The following PMS1 variants were observed in gnomAD, a reference collection of about 807,000 sequenced individuals.
PMS1 encodes PMS1 homolog 1, mismatch repair system component.
PMS1 carries 79 observed loss-of-function variants against 93.1 expected under a neutral mutation model. That is an observed-to-expected ratio of 0.85 (90% CI 0.71 to 1.02). PMS1 has a LOEUF of 1.02. Ranked by LOEUF, PMS1 falls within the 50% of genes least tolerant of loss-of-function variation. The probability of loss-of-function intolerance (pLI) is 0.00; values close to 1 mark genes in which losing one functional copy is unlikely to be tolerated. For missense variants in PMS1, 1,064 were observed against 1,085.3 expected (o/e 0.98, Z 0.28); for synonymous variants, 335 against 363.4 (o/e 0.92, Z 0.89).
intron 6 of PMS1, 132 bp from the exon 7 acceptor site, chr2:189,852,523 G>C: frequency 1.4e-6 from 1 of 738,560 alleles, no homozygotes; most frequent in South Asian, 1.7e-5. Flanking sequence ...TGATTATCAG[G>C]AAGTATATGG....
In PMS1 at chr2:189,854,978, G is replaced by T; in HGVS notation, c.1706G>T (p.Arg569Leu). ...KVTAYDLLSNRVIKKPMSASA... is the reference protein window; with the variant it reads ...KVTAYDLLSNLVIKKPMSASA... The stretch of plus-strand genomic sequence containing the variant: ...ACAGCTTATGATTTACTTAGCAATC[G>T]AGTAATCAAGAAACCCATGTCAGCA... Residue 569 changes from arginine to leucine, a missense_variant, in exon 9 of 13, where the codon CGA (arginine) becomes CTA (leucine). Physicochemically the swap from Arg to Leu is moderately radical, Grantham distance 102 (BLOSUM62 -2). Transcript: ENST00000441310. 2 of 1,613,040 alleles carry T rather than the reference G, an allele frequency of 1.2e-6. No homozygotes were observed. Among genetic ancestry groups the T allele is most frequent in the Non-Finnish European group, 1.7e-6 (2 of 1,179,220 alleles).
chr2:189,798,628 CAA>C (rs2049571801), intron 3 of PMS1, among the ~76,000 whole-genome samples: 1 of 151,962 alleles, frequency 6.6e-6, no homozygotes, highest in Non-Finnish European at 1.5e-5. Context: ...GGATCTTGTA[CAA>C]AGAGTTTGTC....
At chr2:189,817,789 C>T (rs1169092907) in intron 4 of PMS1, among the ~76,000 whole-genome samples, 1 of 152,152 alleles carries the variant, frequency 6.6e-6, no homozygotes, top group East Asian at 1.9e-4. Flanking sequence ...TAAGATTATA[C>T]TTCTTTAGAC....
chr2:189,809,974 TACA>T (rs1276806875), intron 4 of PMS1, among the ~76,000 whole-genome samples: 2 of 152,232 alleles, frequency 1.3e-5, no homozygotes, highest in African/African-American at 2.4e-5. Flanking sequence ...TACTTTCATA[TACA>T]CATTTATATT....
intron 3 of PMS1, among the ~76,000 whole-genome samples, chr2:189,799,735 T>G (rs1335559314): frequency 6.6e-6 from 1 of 152,096 alleles, no homozygotes; most frequent in African/African-American, 2.4e-5. Context: ...CACCCCTGAG[T>G]CTCCATCTGG....
Position 189,854,504 on chromosome 2 carries a change from T to A in PMS1, c.1232T>A (p.Ile411Lys). Residue 411 changes from isoleucine (I) to lysine (K), a missense_variant, in exon 9 of 13, where the codon ATA (isoleucine) becomes AAA (lysine). Coordinates refer to ENST00000441310, the MANE Select transcript of PMS1 (RefSeq NM_000534.5). The part of the protein sequence containing the change: ...KNTDDCLNHQ[I>K]SIGDFGYGHC... ...ACTGATGATTGTTTAAATCACCAGA[T>A]AAGTATTGGTGACTTTGGTTATGGT... 6.2e-7 allele frequency: 1 copy of A among 1,613,520 alleles called. No homozygotes were observed. The highest frequency in any genetic ancestry group is 8.5e-7 in the Non-Finnish European group (1 of 1,179,560).
At position 189,851,576 on chromosome 2, in the gene PMS1, A is replaced by G. The variant is rs541305212; in HGVS notation, c.700-1079A>G. ...TCTAAAACTGGTAATGCATCTCCTTAAACACTTATTTCCAAGGGCAGGGAT... is the reference window on the plus strand; with the variant it reads ...TCTAAAACTGGTAATGCATCTCCTTGAACACTTATTTCCAAGGGCAGGGAT... On this transcript the variant is annotated intron_variant, in intron 6 of 12. Coordinates refer to ENST00000441310, the MANE Select transcript of PMS1 (RefSeq NM_000534.5). Among the ~76,000 whole-genome samples, 317 of 152,266 alleles carry G rather than the reference A, an allele frequency of 2.1e-3. 2 individuals carry two copies. Among genetic ancestry groups the G allele is most frequent in the African/African-American group, 7.2e-3 (301 of 41,550 alleles).
At chr2:189,832,656 C>T (rs1228602554) in intron 5 of PMS1, among the ~76,000 whole-genome samples, 2 of 151,866 alleles carry the variant, frequency 1.3e-5, no homozygotes, top group Non-Finnish European at 2.9e-5. Context: ...TAGTAGAGAC[C>T]GGGTTTCACT....
intron 12 of PMS1, among the ~76,000 whole-genome samples, chr2:189,873,957 C>T (rs2057356756): frequency 1.3e-5 from 2 of 152,182 alleles, no homozygotes; most frequent in South Asian, 2.1e-4. Flanking sequence ...TGCCAAAAAG[C>T]TTGGGGACTG....
chr2:189,873,697 C>T (rs1316461696), intron 12 of PMS1, 41 bp downstream of exon 12: 2 of 1,476,330 alleles, frequency 1.4e-6, no homozygotes, highest in African/African-American at 1.4e-5. Flanking sequence ...ATACAGGGGT[C>T]CCAACTCCCG....
In PMS1 at chr2:189,873,546, C is replaced by A; in HGVS notation, c.2524C>A (p.Leu842Ile). Residue 842 changes from leucine to isoleucine, a missense_variant, in exon 12 of 13, where the codon CTC (leucine) becomes ATC (isoleucine). By Grantham distance (5) the Leu-to-Ile change is conservative. Transcript: ENST00000441310. ...YLEIEGMANC[L>I]PFYGVADLKE... ...GGAAATAGAAGGAATGGCTAATTGT[C>A]TCCCATTCTATGGAGTAGCAGATTT... 1 of 1,598,172 alleles carries A rather than the reference C, an allele frequency of 6.3e-7. No homozygotes were observed. Among genetic ancestry groups the A allele is most frequent in the Non-Finnish European group, 8.6e-7 (1 of 1,165,658 alleles).
intron 5 of PMS1, among the ~76,000 whole-genome samples, chr2:189,832,861 T>C (rs2053075386): frequency 6.6e-6 from 1 of 152,186 alleles, no homozygotes; most frequent in African/African-American, 2.4e-5. Flanking sequence ...TTGAAATATT[T>C]GTTACTTAAA....
intron 5 of PMS1, among the ~76,000 whole-genome samples, chr2:189,831,072 A>C (rs886640738): frequency 1.3e-5 from 2 of 152,210 alleles, no homozygotes; most frequent in African/African-American, 2.4e-5. Context: ...GAATTTGGTT[A>C]TGTGGATAAA....
intron 6 of PMS1, among the ~76,000 whole-genome samples, chr2:189,850,007 A>G (rs1232227987): frequency 1.3e-5 from 2 of 151,760 alleles, no homozygotes; most frequent in Non-Finnish European, 2.9e-5. Flanking sequence ...CAGCTGACAC[A>G]TCTTGTTTCT....
chr2:189,877,338 A>G lies in PMS1; in HGVS notation c.2701A>G (p.Ile901Val), dbSNP rs2057662273. The change falls in exon 13 of 13, where the codon ATC (isoleucine) becomes GTC (valine). Residue 901 changes from isoleucine (I) to valine (V), a missense_variant. Physicochemically the swap from Ile to Val is conservative, Grantham distance 29. Transcript: ENST00000441310. Reference sequence around the variant, plus strand: ...ATCAAAAGAGGACATCCAAGACATTATCTACAGAATGAAGCACCAGTTTGG... The same window carrying G: ...ATCAAAAGAGGACATCCAAGACATTGTCTACAGAATGAAGCACCAGTTTGG... ...YLSKEDIQDI[I>V]YRMKHQFGNE... 1 of 1,613,036 alleles carries G rather than the reference A, an allele frequency of 6.2e-7. No individual in the cohort carries two copies. Among genetic ancestry groups the G allele is most frequent in the Non-Finnish European group, 8.5e-7 (1 of 1,178,954 alleles).
At chr2:189,797,424 A>G (rs2049459988) in intron 3 of PMS1, among the ~76,000 whole-genome samples, 1 of 151,970 alleles carries the variant, frequency 6.6e-6, no homozygotes, top group Admixed American at 6.6e-5. Flanking sequence ...TAGAACCTTG[A>G]TCTCTTCATT....
intron 3 of PMS1, among the ~76,000 whole-genome samples, 194 bp from the exon 4 acceptor site, chr2:189,805,458 A>G (rs2050249257): frequency 2.0e-5 from 3 of 152,042 alleles, no homozygotes; most frequent in Admixed American, 1.3e-4. Flanking sequence ...TTTGCAACAT[A>G]AAAAAAATAC....
intron 6 of PMS1, among the ~76,000 whole-genome samples, chr2:189,851,695 GT>G: frequency 6.6e-6 from 1 of 152,222 alleles, no homozygotes; most frequent in South Asian, 2.1e-4. Flanking sequence ...TGACTTGCTT[GT>G]TTTTCTCAAC....
In PMS1 at chr2:189,854,232, T is replaced by C; in HGVS notation, c.967-7T>C. 1 of 1,577,780 alleles carries C rather than the reference T, an allele frequency of 6.3e-7. No homozygotes were observed. The highest frequency in any genetic ancestry group is 8.6e-7 in the Non-Finnish European group (1 of 1,158,592). On this transcript the variant is annotated splice_polypyrimidine_tract_variant and splice_region_variant and intron_variant, in intron 8 of 12. Coordinates refer to ENST00000441310, the MANE Select transcript of PMS1 (RefSeq NM_000534.5). The stretch of plus-strand genomic sequence containing the variant: ...TTCCCCTAACATTTGTTAATTTGTA[T>C]TTTTAGGAATCTGTTTTAATTGCTC...
Sources: allele counts gnomAD v4.1 joint callset (sites outside exome capture counted in the v4.1 genomes callset), GRCh38; gene constraint gnomAD v4.1.1; transcripts MANE v1.5; gene names NCBI Gene and HGNC (gene_info 2026-07-23, HGNC 2026-07-21).